Variants in TFB1M observed in about 807,000 individuals in gnomAD.
The protein encoded by TFB1M is dimethyladenosine transferase 1, mitochondrial.
In TFB1M, 27 loss-of-function variants were observed where a neutral mutation model predicts 31.1. The observed-to-expected ratio is 0.87, with a 90% CI of 0.64 to 1.20. TFB1M has a LOEUF of 1.20. Among genes scored for constraint, TFB1M ranks in the 50% most tolerant of loss-of-function variants. The pLI, the probability that TFB1M is intolerant of heterozygous loss-of-function variation, is 0.00. For synonymous variants in TFB1M, 166 were observed against 151.8 expected (o/e 1.09, Z -0.69); for missense variants, 394 against 418.7 (o/e 0.94, Z 0.51).
In TFB1M at chr6:155,256,298, A is replaced by AC; in HGVS notation, c.*1537dup. On this transcript the variant is annotated 3_prime_UTR_variant, in exon 7 of 7. Coordinates refer to ENST00000367166, the MANE Select transcript of TFB1M (RefSeq NM_016020.4). Reference sequence around the variant, plus strand: ...TGAATTGCCTAACTTACAACTGTAAACCTAAGTCAAAAATGTCCATGTTTT... The same window carrying AC: ...TGAATTGCCTAACTTACAACTGTAAACCCTAAGTCAAAAATGTCCATGTTTT... The AC allele has an allele frequency of 1.2e-6, 1 of 827,332 alleles. No individual in the cohort carries two copies. The highest frequency in any genetic ancestry group is 1.9e-6 in the Non-Finnish European group (1 of 539,272). 51.2% of individuals were successfully genotyped at this position (827,332 alleles called of 1,614,324 possible).
At chr6:155,299,140 T>C (rs1050717929) in intron 2 of TFB1M, among the ~76,000 whole-genome samples, 11 of 152,138 alleles carry the variant, frequency 7.2e-5, no homozygotes, top group African/African-American at 2.7e-4. Context: ...GACCAGAGCA[T>C]CCCTAATCTT....
intron 2 of TFB1M, among the ~76,000 whole-genome samples, chr6:155,309,213 A>G (rs1777913694): frequency 6.6e-6 from 1 of 152,240 alleles, no homozygotes; most frequent in Non-Finnish European, 1.5e-5. Flanking sequence ...ATTTGTGTAT[A>G]TATATACACA....
At chr6:155,314,240 C>T (rs1582894001) in intron 1 of TFB1M, 56 bp downstream of exon 1, 1 of 1,602,094 alleles carries the variant, frequency 6.2e-7, no homozygotes, top group East Asian at 2.3e-5. Context: ...GACCCCCCGG[C>T]CCACGCCCCC....
At chr6:155,237,467 C>T in the TFB1M span, among the ~76,000 whole-genome samples, 7 of 152,352 alleles carry the variant, frequency 4.6e-5, no homozygotes, top group East Asian at 3.9e-4. Flanking sequence ...CTCCACTAGG[C>T]GGTGCCCCAG....
the TFB1M span, among the ~76,000 whole-genome samples, chr6:155,237,788 C>T: frequency 0.026 from 3,982 of 152,244 alleles, 182 homozygotes; most frequent in African/African-American, 0.091. Flanking sequence ...ATTCCCTGGG[C>T]GGAACACAGC....
chr6:155,256,776 CA>C lies in TFB1M; in HGVS notation c.*1059del, dbSNP rs771214323. Reference sequence around the variant, plus strand: ...TGAAGCAGGGCAGCCCTACTAAAGACATCGAAATTCAGTTCCAGAGACTGAG... The same window carrying C: ...TGAAGCAGGGCAGCCCTACTAAAGACTCGAAATTCAGTTCCAGAGACTGAG... On this transcript the variant is annotated 3_prime_UTR_variant, in exon 7 of 7. Coordinates refer to ENST00000367166, the MANE Select transcript of TFB1M (RefSeq NM_016020.4). The C allele has an allele frequency of 6.2e-7, 1 of 1,614,224 alleles. No individual in the cohort carries two copies. The highest frequency in any genetic ancestry group is 8.5e-7 in the Non-Finnish European group (1 of 1,180,046).
chr6:155,245,625 A>G, the TFB1M span: 1 of 1,613,478 alleles, frequency 6.2e-7, no homozygotes, highest in South Asian at 1.1e-5. Flanking sequence ...CCTTCTAGAA[A>G]TTACTGTTTT....
At chr6:155,250,367 G>C in the TFB1M span, among the ~76,000 whole-genome samples, 1 of 147,126 alleles carries the variant, frequency 6.8e-6, no homozygotes, top group South Asian at 2.2e-4. Flanking sequence ...AGCAGGATTT[G>C]ACATTTTCTG....
chr6:155,277,536 A>G (rs998870448), intron 5 of TFB1M, among the ~76,000 whole-genome samples: 4 of 152,242 alleles, frequency 2.6e-5, no homozygotes, highest in Admixed American at 2.6e-4. Context: ...GGAAGTGGGA[A>G]GAATATATTT....
chr6:155,253,316 T>A (rs1024345732), downstream of TFB1M: 12 of 445,674 alleles, frequency 2.7e-5, no homozygotes, highest in Admixed American at 4.5e-4. Flanking sequence ...TTTTCCTTTC[T>A]GCCTTGATAC....
At chr6:155,243,789 G>T in the TFB1M span, among the ~76,000 whole-genome samples, 7,377 of 134,510 alleles carry the variant, frequency 0.055, 249 homozygotes, top group East Asian at 0.22. Context: ...AGAGGTTGCA[G>T]TGAGCTGAGA....
chr6:155,313,938 C>T (rs1778129116), intron 1 of TFB1M, among the ~76,000 whole-genome samples: 1 of 152,242 alleles, frequency 6.6e-6, no homozygotes, highest in African/African-American at 2.4e-5. Context: ...AAAGCAACTG[C>T]AGTCAGCATG....
chr6:155,290,388 C>CAAAAAAAAAA (rs1189869721), intron 4 of TFB1M, among the ~76,000 whole-genome samples: 19 of 107,542 alleles, frequency 1.8e-4, no homozygotes, highest in South Asian at 3.0e-4. Context: ...GACTCGGCCT[C>CAAAAAAAAAA]AAAAAAAAAA....
rs139106068 is a variant in TFB1M, at chr6:155,257,956, G to A, written c.921C>T (p.Tyr307=). ...GTGGGTCTTCATCACACATTTTTCT[G>A]TATACATCACAGAGGCTCTTAAAGT... is the stretch of plus-strand genomic sequence containing the variant. The part of the protein sequence containing the change: ...ISHFKSLCDV[Y]RKMCDEDPQL... The change falls in exon 7 of 7, where the codon TAC becomes TAT. Residue 307 remains tyrosine (Y), a synonymous_variant. Coordinates refer to ENST00000367166, the MANE Select transcript of TFB1M (RefSeq NM_016020.4). 1.9e-6 allele frequency: 3 copies of A among 1,614,142 alleles called. No individual in the cohort carries two copies. The African/African-American group carries it at 4.0e-5, about 22-fold the overall frequency.
At chr6:155,261,521 G>C (rs773282509) in intron 5 of TFB1M, among the ~76,000 whole-genome samples, 5 of 152,178 alleles carry the variant, frequency 3.3e-5, no homozygotes, top group Admixed American at 6.5e-5. Context: ...TTCTTTTAGG[G>C]TAGAAGGAAA....
At chr6:155,268,965 AAAG>A (rs1454411997) in intron 5 of TFB1M, among the ~76,000 whole-genome samples, 1 of 127,392 alleles carries the variant, frequency 7.8e-6, no homozygotes, top group East Asian at 2.6e-4. Flanking sequence ...AAAAAAGAAA[AAAG>A]AAAAAAAATT....
At chr6:155,244,593 G>A in the TFB1M span, 2 of 1,564,606 alleles carry the variant, frequency 1.3e-6, no homozygotes, top group Non-Finnish European at 1.7e-6. Context: ...GTGGGCCTAA[G>A]AGTTAGCGTG....
At chr6:155,250,483 A>G in the TFB1M span, 19,288 of 1,432,670 alleles carry the variant, frequency 0.013, 227 homozygotes, top group Non-Finnish European at 0.015. Flanking sequence ...ACAGGAAAGG[A>G]CTGGAGATCA....
At chr6:155,296,426 ATTTTT>A (rs71023639) in intron 4 of TFB1M, among the ~76,000 whole-genome samples, 1 of 103,474 alleles carries the variant, frequency 9.7e-6, no homozygotes, top group African/African-American at 4.0e-5. Context: ...CACCCAGCTA[ATTTTT>A]TTTTTTTTTT....
Sources: allele counts gnomAD v4.1 joint callset (sites outside exome capture counted in the v4.1 genomes callset), GRCh38; gene constraint gnomAD v4.1.1; transcripts MANE v1.5; gene names NCBI Gene and HGNC (gene_info 2026-07-23, HGNC 2026-07-21).